SYT9: variants seen among roughly 807,000 people sequenced by gnomAD.
SYT9 encodes synaptotagmin-9.
Under a neutral mutation model 48.4 loss-of-function variants are expected in SYT9, and 22 were observed. The ratio of observed to expected loss-of-function variants is 0.45; its 90% CI spans 0.32 to 0.65. SYT9 has a LOEUF of 0.65. SYT9 is among the 30% of genes least tolerant of loss of function. The pLI is 0.03. For missense variants in SYT9, 577 were observed against 622.0 expected (o/e 0.93, Z 0.77); for synonymous variants, 265 against 245.0 (o/e 1.08, Z -0.76).
chr11:7,249,546 G>A (rs1210844264), upstream of SYT9, among the ~76,000 whole-genome samples: 2 of 152,188 alleles, frequency 1.3e-5, no homozygotes, highest in African/African-American at 4.8e-5. Context: ...CTGTAAAATA[G>A]GAAATATAGC....
intron 3 of SYT9, among the ~76,000 whole-genome samples, chr11:7,357,385 A>G (rs1182369278): frequency 6.6e-6 from 1 of 152,178 alleles, no homozygotes; most frequent in Non-Finnish European, 1.5e-5. Context: ...AAAATATAAT[A>G]CAAATAAAGC....
At chr11:7,334,548 C>T (rs1055536937) in intron 3 of SYT9, among the ~76,000 whole-genome samples, 5 of 150,862 alleles carry the variant, frequency 3.3e-5, no homozygotes, top group African/African-American at 1.2e-4. Context: ...ATTTGTGAAA[C>T]CATTTACCAT....
intron 3 of SYT9, among the ~76,000 whole-genome samples, chr11:7,386,433 A>T (rs1437152396): frequency 1.6e-5 from 2 of 121,794 alleles, no homozygotes; most frequent in Non-Finnish European, 3.5e-5. Flanking sequence ...TCTACAATGA[A>T]CTCGAACAAA....
chr11:7,379,168 T>C (rs1486452472), intron 3 of SYT9, among the ~76,000 whole-genome samples: 2 of 152,206 alleles, frequency 1.3e-5, no homozygotes, highest in African/African-American at 2.4e-5. Context: ...CTTTGAAAAC[T>C]GCTGTCTTTG....
intron 1 of SYT9, among the ~76,000 whole-genome samples, chr11:7,299,987 C>T (rs12282004): frequency 0.14 from 21,376 of 152,082 alleles, 1,650 homozygotes; most frequent in South Asian, 0.2. Flanking sequence ...TTATGATGAC[C>T]CTACATCCTA....
intron 6 of SYT9, chr11:7,437,902 AG>A (rs1847742703): frequency 6.6e-6 from 1 of 152,254 alleles, no homozygotes; most frequent in South Asian, 2.1e-4. Flanking sequence ...AGGAAGGAAG[AG>A]GCAATTCTTG....
chr11:7,287,768 C>CT (rs1848622907), intron 1 of SYT9, among the ~76,000 whole-genome samples: 1 of 152,136 alleles, frequency 6.6e-6, no homozygotes, highest in African/African-American at 2.4e-5. Context: ...TTAACTGCAA[C>CT]TTTTTCTTTC....
Position 7,420,586 on chromosome 11 carries a change from T to C in SYT9, c.1418T>C (p.Met473Thr), listed in dbSNP as rs1847334860. 6.2e-7 allele frequency: 1 copy of C among 1,614,106 alleles called. No individual in the cohort carries two copies. The highest frequency in any genetic ancestry group is 8.5e-7 in the Non-Finnish European group (1 of 1,180,008). Residue 473 changes from methionine (M) to threonine (T), a missense_variant, in exon 6 of 7, where the codon ATG becomes ACG. By Grantham distance (81) the Met-to-Thr change is moderately conservative (BLOSUM62 -1). Transcript: ENST00000318881. ...CTGGGCAGAGACCACTGGAGTGAAA[T>C]GTTGTCATATCCTCGGAAGCCCATT... ...ERLGRDHWSE[M>T]LSYPRKPIAH... is the part of the protein sequence containing the mutation.
chr11:7,292,529 C>T (rs1848713081), intron 1 of SYT9, among the ~76,000 whole-genome samples: 1 of 152,218 alleles, frequency 6.6e-6, no homozygotes, highest in South Asian at 2.1e-4. Flanking sequence ...GAATCCCATT[C>T]CCCTCCAACT....
chr11:7,309,863 C>T (rs1187631154), intron 2 of SYT9, among the ~76,000 whole-genome samples: 1 of 152,108 alleles, frequency 6.6e-6, no homozygotes, highest in Non-Finnish European at 1.5e-5. Context: ...CGTGCCTCTC[C>T]CCGAACTCCA....
At chr11:7,269,621 A>G (rs1413658839) in intron 1 of SYT9, among the ~76,000 whole-genome samples, 2 of 152,222 alleles carry the variant, frequency 1.3e-5, no homozygotes, top group African/African-American at 4.8e-5. Flanking sequence ...TTACATTTAC[A>G]TCCCTGAGAG....
intron 3 of SYT9, among the ~76,000 whole-genome samples, chr11:7,323,777 T>A (rs1849378783): frequency 6.6e-6 from 1 of 151,982 alleles, no homozygotes; most frequent in Non-Finnish European, 1.5e-5. Context: ...CTTTTTTATA[T>A]ACATGGATAT....
intron 1 of SYT9, among the ~76,000 whole-genome samples, chr11:7,301,901 C>A (rs1486209283): frequency 6.6e-6 from 1 of 152,136 alleles, no homozygotes; most frequent in Non-Finnish European, 1.5e-5. Flanking sequence ...GGGGCAGAAG[C>A]CTGGAGGGGG....
chr11:7,240,947 G>T (rs1847733669), intron 1 of SYT9, among the ~76,000 whole-genome samples: 1 of 152,044 alleles, frequency 6.6e-6, no homozygotes, highest in African/African-American at 2.4e-5. Flanking sequence ...GACCCTTTAA[G>T]AAATGCAAAA....
chr11:7,386,822 C>G (rs891663543), intron 3 of SYT9, among the ~76,000 whole-genome samples: 12 of 152,204 alleles, frequency 7.9e-5, no homozygotes, highest in Admixed American at 5.2e-4. Flanking sequence ...GATTATAAAT[C>G]ATGCTGCTGT....
chr11:7,344,814 A>G (rs1356662612), intron 3 of SYT9, among the ~76,000 whole-genome samples: 1 of 152,136 alleles, frequency 6.6e-6, no homozygotes, highest in Non-Finnish European at 1.5e-5. Context: ...GCAGATTTAT[A>G]AATCTTGAAA....
chr11:7,432,137 G>A (rs958760163), intron 6 of SYT9, among the ~76,000 whole-genome samples: 2 of 152,162 alleles, frequency 1.3e-5, no homozygotes, highest in Admixed American at 6.5e-5. Flanking sequence ...AGCATCCCTG[G>A]GGGCCAACCC....
intron 3 of SYT9, among the ~76,000 whole-genome samples, chr11:7,348,579 AG>A (rs1217342342): frequency 2.0e-5 from 3 of 150,882 alleles, no homozygotes; most frequent in African/African-American, 7.3e-5. Flanking sequence ...ATTTAATACC[AG>A]ATTTTACTGC....
chr11:7,452,467 G>A (rs537206557), intron 6 of SYT9, among the ~76,000 whole-genome samples: 90 of 152,298 alleles, frequency 5.9e-4, no homozygotes, highest in African/African-American at 2.1e-3. Flanking sequence ...AATGTCTTGA[G>A]AGGCTGCTCT....
Sources: allele counts gnomAD v4.1 joint callset (sites outside exome capture counted in the v4.1 genomes callset), GRCh38; gene constraint gnomAD v4.1.1; transcripts MANE v1.5; gene names NCBI Gene and HGNC (gene_info 2026-07-23, HGNC 2026-07-21).